The following CACHD1 variants were observed in gnomAD, a reference collection of about 807,000 sequenced individuals.
CACHD1 encodes the protein cache domain containing 1.
In CACHD1, 71 loss-of-function variants were observed where a neutral mutation model predicts 138.7. That is an observed-to-expected ratio of 0.51 (90% CI 0.42 to 0.62). CACHD1 has a LOEUF of 0.62. Ranked by LOEUF, CACHD1 falls within the 20% of genes least tolerant of loss-of-function variation. The pLI, the probability that CACHD1 is intolerant of heterozygous loss-of-function variation, is 0.00. For missense variants in CACHD1, 1,389 were observed against 1,625.3 expected, an observed-to-expected ratio of 0.85 and a Z score of 2.50; for synonymous variants, 578 against 591.5, an observed-to-expected ratio of 0.98 and a Z score of 0.33.
At chr1:64,684,248 C>A (rs1046480811) in intron 26 of CACHD1, among the ~76,000 whole-genome samples, 10 of 152,002 alleles carry the variant, frequency 6.6e-5, no homozygotes, top group African/African-American at 2.4e-4. Flanking sequence ...CACTTCAAAA[C>A]TGTATCATTC....
rs1254709821 is a variant in CACHD1 at position 64,666,729 on chromosome 1, A to T, written c.2387+562A>T. On this transcript the variant is annotated intron_variant, in intron 16 of 26. Transcript: ENST00000651257. ...CTGGCTCTACAAAAATAAAATAATTAATCAGGCATGATGGGGCACACTTGT... is the reference window on the plus strand; with the variant it reads ...CTGGCTCTACAAAAATAAAATAATTTATCAGGCATGATGGGGCACACTTGT... Among the ~76,000 whole-genome samples, 4 of 151,914 alleles carry T rather than the reference A, an allele frequency of 2.6e-5. No homozygotes were observed. The South Asian group carries it at 8.3e-4, about 32-fold the overall frequency.
chr1:64,634,032 T>TTTTTTTCTGCAGATTTCTGTGTTAA lies in CACHD1; in HGVS notation c.790-12_790-11insTTTTTTCTGCAGATTTCTGTGTTAA. 1 of 1,572,034 alleles carries TTTTTTTCTGCAGATTTCTGTGTTAA rather than the reference T, an allele frequency of 6.4e-7. No homozygotes were observed. The highest frequency in any genetic ancestry group is 2.2e-5 in the East Asian group (1 of 44,468). On this transcript the variant is annotated splice_polypyrimidine_tract_variant and intron_variant, in intron 6 of 26. Transcript: ENST00000651257. Reference sequence around the variant, plus strand: ...CAAGTTTGGTGGTTTTTTTTTTTTTTCTTTCCTGCAGATTTCTGTGTTAAC... The same window carrying TTTTTTTCTGCAGATTTCTGTGTTAA: ...CAAGTTTGGTGGTTTTTTTTTTTTTTTTTTTTCTGCAGATTTCTGTGTTAACTTTCCTGCAGATTTCTGTGTTAAC...
At position 64,681,541 on chromosome 1, in the gene CACHD1, G is replaced by GGTTTTTTTTTTTTTTTTT. The variant is rs1553146851; in HGVS notation, c.3484+206_3484+207insGTTTTTTTTTTTTTTTTT. Among the ~76,000 whole-genome samples, 102 of 68,124 alleles carry GGTTTTTTTTTTTTTTTTT rather than the reference G, an allele frequency of 1.5e-3. 13 individuals carry two copies. The highest frequency in any genetic ancestry group is 6.7e-3 in the African/African-American group (91 of 13,642). The allele number at this position is 68,124 out of a possible 152,430, so 44.7% of individuals were successfully genotyped here. ...AGAGAATCTCAAAAGATTTTATTGTGTTTTTTTTTTTTTTTTTTTTTTTGC... is the reference window on the plus strand; with the variant it reads ...AGAGAATCTCAAAAGATTTTATTGTGGTTTTTTTTTTTTTTTTTTTTTTTTTTTTTTTTTTTTTTTTGC... On this transcript the variant is annotated intron_variant, in intron 25 of 26. Transcript: ENST00000651257.
intron 1 of CACHD1, among the ~76,000 whole-genome samples, chr1:64,550,132 C>T (rs184384187): frequency 7.9e-5 from 12 of 152,138 alleles, no homozygotes; most frequent in Admixed American, 5.2e-4. Context: ...ACTTGAGTAA[C>T]GAAGGTGATA....
chr1:64,523,301 A>G (rs1310882172), intron 1 of CACHD1, among the ~76,000 whole-genome samples: 1 of 152,194 alleles, frequency 6.6e-6, no homozygotes, highest in East Asian at 1.9e-4. Context: ...GAAACTAGGT[A>G]ATGGGTATGT....
intron 1 of CACHD1, among the ~76,000 whole-genome samples, chr1:64,546,684 C>T (rs76208446): frequency 6.6e-6 from 1 of 152,092 alleles, no homozygotes; most frequent in African/African-American, 2.4e-5. Flanking sequence ...TTTCCATTTT[C>T]CAAGTCCTCT....
At position 64,682,016 on chromosome 1, in the gene CACHD1, C is replaced by T. The variant is rs1374640694; in HGVS notation, c.3496C>T (p.Arg1166Trp). ...HEDRGIISNT[R>W]FIAAVIERHA... The stretch of plus-strand genomic sequence containing the variant: ...TTGGCTTCCTACAGTCAGCAACACT[C>T]GGTTTATAGCTGCGGTCATCGAACG... The change falls in exon 26 of 27, where the codon CGG becomes TGG. Residue 1166 changes from arginine to tryptophan, a missense_variant. By Grantham distance (101) the Arg-to-Trp change is moderately radical. Coordinates refer to ENST00000651257, the MANE Select transcript of CACHD1 (RefSeq NM_020925.4). 5 of 1,613,904 alleles carry T rather than the reference C, an allele frequency of 3.1e-6. No individual in the cohort carries two copies. The highest frequency in any genetic ancestry group is 4.2e-6 in the Non-Finnish European group (5 of 1,179,958).
Position 64,682,037 on chromosome 1 carries a change from G to C in CACHD1, c.3517G>C (p.Glu1173Gln). The C allele has an allele frequency of 6.2e-7, 1 of 1,614,014 alleles. No individual in the cohort carries two copies. The highest frequency in any genetic ancestry group is 8.5e-7 in the Non-Finnish European group (1 of 1,179,990). Reference sequence around the variant, plus strand: ...CACTCGGTTTATAGCTGCGGTCATCGAACGACATGCACACAGTCCAGAAAG... The same window carrying C: ...CACTCGGTTTATAGCTGCGGTCATCCAACGACATGCACACAGTCCAGAAAG... ...SNTRFIAAVIERHAHSPERRR... is the reference protein window; with the variant it reads ...SNTRFIAAVIQRHAHSPERRR... Residue 1173 changes from glutamate to glutamine, a missense_variant, in exon 26 of 27, where the codon GAA (glutamate) becomes CAA (glutamine). Around this residue, in one of 5 missense-constraint regions of CACHD1, gnomAD observed 250 missense variants for 292.9 expected, o/e 0.85. Transcript: ENST00000651257.
At chr1:64,602,782 G>A in intron 3 of CACHD1, 24 bp from the exon 4 acceptor site, 1 of 1,513,950 alleles carries the variant, frequency 6.6e-7, no homozygotes, top group African/African-American at 1.4e-5. Flanking sequence ...AATAAGTATT[G>A]CTAATTCTCT....
At chr1:64,598,144 G>A (rs1647172983) in intron 3 of CACHD1, among the ~76,000 whole-genome samples, 2 of 152,148 alleles carry the variant, frequency 1.3e-5, no homozygotes, top group Non-Finnish European at 2.9e-5. Flanking sequence ...TGGAGTGTTA[G>A]TGAAGGGTAG....
In CACHD1 at chr1:64,673,664, A is replaced by T. The variant is rs12080474; in HGVS notation, c.2727+200A>T. Among the ~76,000 whole-genome samples the T allele has an allele frequency of 8.4e-3, 1,272 of 152,314 alleles. 20 individuals carry two copies. The highest frequency in any genetic ancestry group is 0.029 in the African/African-American group (1,220 of 41,568). ...ATAAAGCTCAGAGTAGAAAAGTAAAAGTTTTAAGGTCTCTCAGTTGGTATT... is the reference window on the plus strand; with the variant it reads ...ATAAAGCTCAGAGTAGAAAAGTAAATGTTTTAAGGTCTCTCAGTTGGTATT... On this transcript the variant is annotated intron_variant, in intron 19 of 26. Coordinates refer to ENST00000651257, the MANE Select transcript of CACHD1 (RefSeq NM_020925.4).
intron 7 of CACHD1, among the ~76,000 whole-genome samples, chr1:64,636,192 C>T (rs1332764373): frequency 6.6e-6 from 1 of 151,882 alleles, no homozygotes. Flanking sequence ...TTAAAGAATA[C>T]ATTTCCAAGC....
At chr1:64,629,085 T>A (rs1382939293) in intron 4 of CACHD1, among the ~76,000 whole-genome samples, 1 of 152,176 alleles carries the variant, frequency 6.6e-6, no homozygotes, top group Non-Finnish European at 1.5e-5. Context: ...TGCAAATGAA[T>A]CATTTGTACT....
chr1:64,657,264 C>T (rs1649294569), intron 12 of CACHD1, among the ~76,000 whole-genome samples: 1 of 152,168 alleles, frequency 6.6e-6, no homozygotes, highest in African/African-American at 2.4e-5. Context: ...AATAGAGTTC[C>T]TTTTAATGTA....
intron 1 of CACHD1, among the ~76,000 whole-genome samples, chr1:64,532,754 G>A (rs1444185658): frequency 2.0e-5 from 3 of 152,192 alleles, no homozygotes; most frequent in Admixed American, 1.3e-4. Context: ...AGTGGCAAGA[G>A]ACTTAGAGTC....
chr1:64,682,425 G>C (rs1403843499), intron 26 of CACHD1, among the ~76,000 whole-genome samples: 1 of 152,076 alleles, frequency 6.6e-6, no homozygotes, highest in African/African-American at 2.4e-5. Flanking sequence ...GGATCTTTAA[G>C]GGCTTTTTCA....
At chr1:64,688,871 AC>A (rs1185319512) in intron 26 of CACHD1, among the ~76,000 whole-genome samples, 8 of 150,744 alleles carry the variant, frequency 5.3e-5, no homozygotes, top group South Asian at 2.1e-4. Flanking sequence ...GTACCTTTAC[AC>A]CCCTGTCTTT....
chr1:64,521,247 G>A (rs1295614366), intron 1 of CACHD1, among the ~76,000 whole-genome samples: 4 of 152,198 alleles, frequency 2.6e-5, no homozygotes, highest in African/African-American at 4.8e-5. Flanking sequence ...AGCTCATGGA[G>A]GCTATTTTGT....
intron 3 of CACHD1, among the ~76,000 whole-genome samples, chr1:64,599,083 A>T (rs777927959): frequency 6.6e-6 from 1 of 152,084 alleles, no homozygotes; most frequent in South Asian, 2.1e-4. Flanking sequence ...AAAAGGCCAC[A>T]TCTATGAACC....
Sources: gnomAD v4.1 joint callset for allele counts (sites outside exome capture counted in the v4.1 genomes callset) on GRCh38, gnomAD v4.1.1 for gene constraint, gnomAD v4.1.1 regional missense constraint, MANE v1.5 for transcripts, NCBI Gene and HGNC (gene_info 2026-07-23, HGNC 2026-07-21) for gene names.